Variants in SLC10A1 observed in about 807,000 individuals in gnomAD.
SLC10A1 encodes the protein solute carrier family 10 member 1, also known as hepatic sodium/bile acid cotransporter.
SLC10A1 carries 36 observed loss-of-function variants against 20.5 expected under a neutral mutation model. The ratio of observed to expected loss-of-function variants is 1.75; its 90% CI spans 1.34 to 2.32. The LOEUF (loss-of-function observed/expected upper bound fraction) is 2.32, where lower values mean the gene tolerates loss of function less well. SLC10A1 is among the 30% of genes most tolerant of loss of function. SLC10A1 has a pLI of 0.00. For synonymous variants in SLC10A1, 188 were observed against 163.6 expected (o/e 1.15, Z -1.14); for missense variants, 545 against 439.1 (o/e 1.24, Z -2.16).
Position 69,776,072 on chromosome 14 carries a change from AAGT to A in SLC10A1, c.*207_*209del, listed in dbSNP as rs1302385700. 2.7e-5 allele frequency: 15 copies of A among 559,176 alleles called. No homozygotes were observed. The African/African-American group carries it at 2.8e-4, about 11-fold the overall frequency. 34.6% of individuals were successfully genotyped at this position (559,176 alleles called of 1,614,324 possible). ...CAGTCACTGAACAAGTCTTTAAAAT[AAGT>A]AGCAAATTCTAAGTTGGGGATAGGT... On this transcript the variant is annotated 3_prime_UTR_variant, in exon 5 of 5. Transcript: ENST00000216540.
rs765357465 is a variant in SLC10A1 at position 69,786,205 on chromosome 14, CT to C, written c.458del (p.Lys153ArgfsTer8). On this transcript the variant is annotated frameshift_variant, in exon 2 of 5. Transcript: ENST00000216540. LOFTEE classifies it high-confidence loss of function. ...RGIYDGDLKD[K>X]VPYKGIVISL... ...ATATCACGATGCCTTTATAGGGCAC[CT>C]TGTCCTTCAGGTCCCCATCATAGAT... 4 of 1,613,944 alleles carry C rather than the reference CT, an allele frequency of 2.5e-6. No individual in the cohort carries two copies. The highest frequency in any genetic ancestry group is 3.4e-6 in the Non-Finnish European group (4 of 1,179,996).
intron 2 of SLC10A1, among the ~76,000 whole-genome samples, chr14:69,780,385 T>C (rs1056368744): frequency 4.1e-5 from 5 of 122,772 alleles, no homozygotes; most frequent in African/African-American, 1.6e-4. Flanking sequence ...AAAGAAATAC[T>C]TAACTTTTCT....
Position 69,776,132 on chromosome 14 carries a change from TC to T in SLC10A1, c.*149del. 9.5e-6 allele frequency: 6 copies of T among 628,650 alleles called. No individual in the cohort carries two copies. The highest frequency in any genetic ancestry group is 5.6e-6 in the Non-Finnish European group (2 of 355,416). 38.9% of individuals were successfully genotyped at this position (628,650 alleles called of 1,614,324 possible). On this transcript the variant is annotated 3_prime_UTR_variant, in exon 5 of 5. Coordinates refer to ENST00000216540, the MANE Select transcript of SLC10A1 (RefSeq NM_003049.4). ...TCTTGGGTAGACACCCTGTCTGTGT[TC>T]CCGGCCAAGACTTGATGATTCTGAT... is the stretch of plus-strand genomic sequence containing the variant.
In SLC10A1 at chr14:69,776,287, C is replaced by T. The variant is rs1453939350; in HGVS notation, c.1045G>A (p.Ala349Thr). Residue 349 changes from alanine (A) to threonine (T), a missense_variant, in exon 5 of 5, where the codon GCC becomes ACC. Physicochemically the swap from Ala to Thr is moderately conservative, Grantham distance 58 (BLOSUM62 0). Transcript: ENST00000216540. Reference sequence around the variant, plus strand: ...CCAGGCCACCAGGGGAAGGGCTAGGCTGTGCAAGGGGAGCAGTCCTCCCCT... The same window carrying T: ...CCAGGCCACCAGGGGAAGGGCTAGGTTGTGCAAGGGGAGCAGTCCTCCCCT... ...YKGEDCSPCT[A>T] 6.2e-7 allele frequency: 1 copy of T among 1,612,396 alleles called. No individual in the cohort carries two copies. The highest frequency in any genetic ancestry group is 8.5e-7 in the Non-Finnish European group (1 of 1,179,380).
chr14:69,788,841 C>T (rs551199714), intron 1 of SLC10A1, among the ~76,000 whole-genome samples: 93 of 152,068 alleles, frequency 6.1e-4, no homozygotes, highest in Non-Finnish European at 1.1e-3. Context: ...CCACCGCGCC[C>T]GGCCAATATA....
chr14:69,795,880 A>G (rs761742934), intron 1 of SLC10A1, among the ~76,000 whole-genome samples: 1 of 152,136 alleles, frequency 6.6e-6, no homozygotes, highest in Non-Finnish European at 1.5e-5. Context: ...GGCATTGAAT[A>G]GCGTCTCCAC....
chr14:69,779,337 C>CAAGAG lies in SLC10A1; in HGVS notation c.586_590dup (p.Leu197PhefsTer24). 1 of 1,612,788 alleles carries CAAGAG rather than the reference C, an allele frequency of 6.2e-7. No individual in the cohort carries two copies. Among genetic ancestry groups the CAAGAG allele is most frequent in the Non-Finnish European group, 8.5e-7 (1 of 1,179,288 alleles). ...AGAGAACTGTGACGGCCACACTGCA[C>CAAGAG]AAGAGAATGATGATCATCCCTCCCT... is the stretch of plus-strand genomic sequence containing the variant. On this transcript the variant is annotated frameshift_variant, in exon 3 of 5. Coordinates refer to ENST00000216540, the MANE Select transcript of SLC10A1 (RefSeq NM_003049.4). LOFTEE classifies it high-confidence loss of function.
chr14:69,786,963 C>T (rs1223550502), intron 1 of SLC10A1, among the ~76,000 whole-genome samples: 1 of 152,116 alleles, frequency 6.6e-6, no homozygotes. Context: ...TAAACAGATA[C>T]CATGATTAAA....
intron 2 of SLC10A1, among the ~76,000 whole-genome samples, chr14:69,783,780 G>A (rs1337923661): frequency 6.6e-6 from 1 of 152,156 alleles, no homozygotes. Context: ...GAGAGGTAAG[G>A]ATAGAGAGGA....
rs61744165 is a variant in SLC10A1 at position 69,786,271 on chromosome 14, A to C, written c.393T>G (p.Leu131=). The change falls in exon 2 of 5, where the codon CTT becomes CTG. Residue 131 remains leucine, a synonymous_variant. Coordinates refer to ENST00000216540, the MANE Select transcript of SLC10A1 (RefSeq NM_003049.4). ...TGTACAGGAGGAGAGGCATCATGCCAAGGGCACAGAAGGTGGAGCAGGTGG... is the reference window on the plus strand; with the variant it reads ...TGTACAGGAGGAGAGGCATCATGCCCAGGGCACAGAAGGTGGAGCAGGTGG... ...VMTTCSTFCA[L]GMMPLLLYIY... 9.3e-5 allele frequency: 150 copies of C among 1,614,096 alleles called. No homozygotes were observed. In the African/African-American group the frequency reaches 1.7e-3, roughly 19 times the overall value.
At chr14:69,777,589 T>TG (rs1883476561) in intron 4 of SLC10A1, among the ~76,000 whole-genome samples, 1 of 94,164 alleles carries the variant, frequency 1.1e-5, no homozygotes, top group Non-Finnish European at 2.0e-5. Flanking sequence ...TTTTTTTTTT[T>TG]TTTTTTTTTT....
chr14:69,792,406 A>G (rs1053553889), intron 1 of SLC10A1, among the ~76,000 whole-genome samples: 40 of 152,202 alleles, frequency 2.6e-4, no homozygotes, highest in Admixed American at 1.4e-3. Context: ...CAAAGGACCC[A>G]ATGTTTCCAG....
chr14:69,789,705 A>G (rs1192382319), intron 1 of SLC10A1, among the ~76,000 whole-genome samples: 3 of 152,348 alleles, frequency 2.0e-5, no homozygotes, highest in Non-Finnish European at 4.4e-5. Context: ...TTATATCTCA[A>G]TAAATAGTAA....
chr14:69,787,950 C>A (rs1346473650), intron 1 of SLC10A1, among the ~76,000 whole-genome samples: 1 of 152,018 alleles, frequency 6.6e-6, no homozygotes, highest in African/African-American at 2.4e-5. Flanking sequence ...GTCCCAGCTA[C>A]TTGGGAGGCT....
intron 4 of SLC10A1, 75 bp downstream of exon 4, chr14:69,778,258 T>G (rs916956165): frequency 7.6e-7 from 1 of 1,317,158 alleles, no homozygotes; most frequent in Non-Finnish European, 1.0e-6. Flanking sequence ...AAGTCCCTGC[T>G]AGAAACTTGC....
At chr14:69,777,990 A>C (rs1883488933) in intron 4 of SLC10A1, among the ~76,000 whole-genome samples, 1 of 152,196 alleles carries the variant, frequency 6.6e-6, no homozygotes, top group South Asian at 2.1e-4. Flanking sequence ...AACTCTTGCG[A>C]ATAGAGGCCT....
chr14:69,779,344 A>T lies in SLC10A1; in HGVS notation c.584T>A (p.Ile195Asn). 2 of 1,611,196 alleles carry T rather than the reference A, an allele frequency of 1.2e-6. No individual in the cohort carries two copies. Among genetic ancestry groups the T allele is most frequent in the Non-Finnish European group, 1.7e-6 (2 of 1,177,790 alleles). The change falls in exon 3 of 5, where the codon ATT becomes AAT. Residue 195 changes from isoleucine to asparagine, a missense_variant. Transcript: ENST00000216540. ...TGTGACGGCCACACTGCACAAGAGA[A>T]TGATGATCATCCCTCCCTGGGAATG... ...RYVIKGGMII[I>N]LLCSVAVTVL... is the part of the protein sequence containing the mutation.
At chr14:69,791,304 AT>A (rs879785980) in intron 1 of SLC10A1, among the ~76,000 whole-genome samples, 211 of 144,680 alleles carry the variant, frequency 1.5e-3, no homozygotes, top group Middle Eastern at 3.5e-3. Context: ...AGCTAACATG[AT>A]TTTTTTTTTT....
chr14:69,790,769 T>C (rs139481205), intron 1 of SLC10A1, among the ~76,000 whole-genome samples: 318 of 152,146 alleles, frequency 2.1e-3, no homozygotes, highest in African/African-American at 7.4e-3. Flanking sequence ...AATTATACTA[T>C]ATATAGGCCC....
Sources: allele counts gnomAD v4.1 joint callset (sites outside exome capture counted in the v4.1 genomes callset), GRCh38; gene constraint gnomAD v4.1.1; transcripts MANE v1.5; gene names NCBI Gene and HGNC (gene_info 2026-07-23, HGNC 2026-07-21).